The following CSMD3 variants were observed in gnomAD, a reference collection of about 807,000 sequenced individuals.
CSMD3 encodes CUB and Sushi multiple domains 3.
In CSMD3, 177 loss-of-function variants were observed where a neutral mutation model predicts 435.2. The observed-to-expected ratio is 0.41, with a 90% CI of 0.36 to 0.46. The LOEUF is 0.46. Among genes scored for constraint, CSMD3 ranks in the 20% least tolerant of loss-of-function variants. The probability of loss-of-function intolerance (pLI) is 0.34; values close to 1 mark genes in which losing one functional copy is unlikely to be tolerated. For synonymous variants in CSMD3, 1,656 were observed against 1,520.5 expected (o/e 1.09, Z -2.07); for missense variants, 4,265 against 4,504.6 (o/e 0.95, Z 1.52).
intron 24 of CSMD3, among the ~76,000 whole-genome samples, chr8:112,565,956 A>AC (rs1385638182): frequency 6.6e-6 from 1 of 152,046 alleles, no homozygotes; most frequent in Non-Finnish European, 1.5e-5. Context: ...ATGTAACAAA[A>AC]ATAAAAAAAA....
chr8:113,280,365 GT>G (rs1223360791), intron 2 of CSMD3, among the ~76,000 whole-genome samples: 3 of 151,672 alleles, frequency 2.0e-5, no homozygotes, highest in African/African-American at 7.3e-5. Context: ...TATTCAGGGT[GT>G]CTAATTCTTC....
intron 45 of CSMD3, among the ~76,000 whole-genome samples, chr8:112,334,641 A>T (rs1824393050): frequency 6.6e-6 from 1 of 152,228 alleles, no homozygotes; most frequent in Non-Finnish European, 1.5e-5. Flanking sequence ...TTTTCTTATT[A>T]ATAATGGAAT....
At chr8:112,609,050 GAA>G (rs1833022628) in intron 22 of CSMD3, among the ~76,000 whole-genome samples, 1 of 151,180 alleles carries the variant, frequency 6.6e-6, no homozygotes, top group Non-Finnish European at 1.5e-5. Flanking sequence ...TCAACAAAAT[GAA>G]AAGACAACAC....
chr8:113,156,676 G>A (rs1262972698), intron 4 of CSMD3, among the ~76,000 whole-genome samples: 1 of 151,306 alleles, frequency 6.6e-6, no homozygotes, highest in Non-Finnish European at 1.5e-5. Flanking sequence ...TGAGGAAGGT[G>A]GATCACATGA....
Position 112,829,806 on chromosome 8 carries a change from A to T in CSMD3, c.1756-17T>A. ...CTGGATAACCTAGCAGTAAACAGAA[A>T]CATGCACCTTAAATATACTGCGTTG... On this transcript the variant is annotated splice_polypyrimidine_tract_variant and intron_variant, in intron 11 of 70. Coordinates refer to ENST00000297405, the MANE Select transcript of CSMD3 (RefSeq NM_198123.2). 2 of 1,405,488 alleles carry T rather than the reference A, an allele frequency of 1.4e-6. No individual in the cohort carries two copies. Among genetic ancestry groups the T allele is most frequent in the Non-Finnish European group, 2.0e-6 (2 of 990,020 alleles). The allele number at this position is 1,405,488 out of a possible 1,614,324, so 87.1% of individuals were successfully genotyped here. A position where few individuals can be genotyped will look rare whatever the true frequency, so the allele number is the denominator to read the frequency against.
chr8:113,093,014 A>G (rs560567374), intron 5 of CSMD3, among the ~76,000 whole-genome samples: 1 of 152,274 alleles, frequency 6.6e-6, no homozygotes, highest in Middle Eastern at 3.4e-3. Context: ...ATTATCAATG[A>G]TGTCAAATTA....
At chr8:113,004,606 G>A (rs1026621237) in intron 6 of CSMD3, among the ~76,000 whole-genome samples, 8 of 151,866 alleles carry the variant, frequency 5.3e-5, no homozygotes, top group East Asian at 1.9e-4. Context: ...AGCATTGAGC[G>A]CAAGATTTAG....
intron 22 of CSMD3, among the ~76,000 whole-genome samples, chr8:112,589,379 A>G (rs1830986870): frequency 6.6e-6 from 1 of 152,196 alleles, no homozygotes; most frequent in South Asian, 2.1e-4. Flanking sequence ...AGATGTGAAT[A>G]AAGAAAATTA....
chr8:112,765,800 G>T (rs1308351773), intron 13 of CSMD3, among the ~76,000 whole-genome samples: 1 of 151,632 alleles, frequency 6.6e-6, no homozygotes, highest in East Asian at 1.9e-4. Flanking sequence ...TTTCTACTCG[G>T]AAAGATCTCC....
At chr8:112,759,667 G>C (rs1388991653) in intron 13 of CSMD3, among the ~76,000 whole-genome samples, 1 of 152,076 alleles carries the variant, frequency 6.6e-6, no homozygotes, top group Non-Finnish European at 1.5e-5. Flanking sequence ...AATGTATCAA[G>C]TACCATATGC....
intron 3 of CSMD3, among the ~76,000 whole-genome samples, chr8:113,203,492 A>C (rs1477238258): frequency 6.6e-6 from 1 of 151,742 alleles, no homozygotes; most frequent in Non-Finnish European, 1.5e-5. Flanking sequence ...GGCTGGTCTC[A>C]AATTCCTGGG....
intron 3 of CSMD3, among the ~76,000 whole-genome samples, chr8:113,261,240 A>G (rs2093424878): frequency 6.6e-6 from 1 of 152,176 alleles, no homozygotes; most frequent in African/African-American, 2.4e-5. Flanking sequence ...GTTATAGTTT[A>G]TAACTGTTAC....
At chr8:113,085,935 T>A (rs1188080894) in intron 5 of CSMD3, among the ~76,000 whole-genome samples, 1 of 152,126 alleles carries the variant, frequency 6.6e-6, no homozygotes, top group Middle Eastern at 3.2e-3. Context: ...TTTTGAATGT[T>A]CCCAATAAAA....
intron 32 of CSMD3, among the ~76,000 whole-genome samples, chr8:112,413,855 G>T (rs1811618430): frequency 6.6e-6 from 1 of 152,178 alleles, no homozygotes; most frequent in South Asian, 2.1e-4. Flanking sequence ...TTACTTCTGT[G>T]TCTGTCTTTG....
intron 22 of CSMD3, among the ~76,000 whole-genome samples, chr8:112,609,555 C>A (rs1411200643): frequency 1.3e-5 from 2 of 152,124 alleles, no homozygotes; most frequent in Non-Finnish European, 2.9e-5. Context: ...AACCCTTATA[C>A]ATTGTTGGTG....
At chr8:112,310,399 G>A (rs529944675) in intron 50 of CSMD3, 1 of 154,002 alleles carries the variant, frequency 6.5e-6, no homozygotes, top group Admixed American at 6.4e-5. Flanking sequence ...TGATTAACAA[G>A]CTTGTTATTC....
At chr8:112,262,180 G>GGT (rs888294007) in intron 61 of CSMD3, among the ~76,000 whole-genome samples, 2 of 151,552 alleles carry the variant, frequency 1.3e-5, no homozygotes, top group Non-Finnish European at 2.9e-5. Context: ...ATTTGTTGTG[G>GGT]GTGTGTGTAT....
At chr8:112,992,660 T>A (rs2085498774) in intron 6 of CSMD3, among the ~76,000 whole-genome samples, 1 of 151,766 alleles carries the variant, frequency 6.6e-6, no homozygotes, top group African/African-American at 2.4e-5. Context: ...GAATTACAGG[T>A]TTGTAGGCTA....
intron 5 of CSMD3, among the ~76,000 whole-genome samples, chr8:113,046,353 G>C (rs896778722): frequency 6.7e-6 from 1 of 149,494 alleles, no homozygotes; most frequent in Non-Finnish European, 1.5e-5. Flanking sequence ...AACAAAAAAA[G>C]CCTTATTTGA....
Sources: gnomAD v4.1 joint callset for allele counts (sites outside exome capture counted in the v4.1 genomes callset) on GRCh38, gnomAD v4.1.1 for gene constraint, MANE v1.5 for transcripts, NCBI Gene and HGNC (gene_info 2026-07-23, HGNC 2026-07-21) for gene names.